SLCO5A1: variants seen among roughly 807,000 people sequenced by gnomAD.
The protein encoded by SLCO5A1 is solute carrier organic anion transporter family member 5A1, also known as organic anion transporter polypeptide-related protein 4.
SLCO5A1 carries 39 observed loss-of-function variants against 65.1 expected under a neutral mutation model. The ratio of observed to expected loss-of-function variants is 0.60; its 90% confidence interval spans 0.46 to 0.78. The LOEUF (loss-of-function observed/expected upper bound fraction) is 0.78. Among genes scored for constraint, SLCO5A1 ranks in the 30% least tolerant of loss-of-function variants. The pLI, the probability that SLCO5A1 is intolerant of heterozygous loss-of-function variation, is 0.00. For missense variants in SLCO5A1, 1,029 were observed against 1,069.4 expected (o/e 0.96, Z 0.53); for synonymous variants, 438 against 415.7 (o/e 1.05, Z -0.65).
At chr8:69,753,161 TG>T (rs930493293) in intron 4 of SLCO5A1, among the ~76,000 whole-genome samples, 5 of 152,130 alleles carry the variant, frequency 3.3e-5, no homozygotes, top group African/African-American at 1.2e-4. Context: ...AGTAATTTAT[TG>T]GGGCAACTCA....
At chr8:69,809,430 A>G (rs1035276413) in intron 2 of SLCO5A1, among the ~76,000 whole-genome samples, 4 of 152,220 alleles carry the variant, frequency 2.6e-5, no homozygotes, top group African/African-American at 7.2e-5. Flanking sequence ...ACAATTGCCA[A>G]TGAAATGTGC....
chr8:69,729,271 C>T (rs1305494903), intron 5 of SLCO5A1, among the ~76,000 whole-genome samples: 25 of 151,892 alleles, frequency 1.6e-4, no homozygotes, highest in African/African-American at 5.6e-4. Flanking sequence ...GATGAAACCC[C>T]GTCTCTACTA....
At chr8:69,762,382 T>A (rs1447495124) in intron 2 of SLCO5A1, among the ~76,000 whole-genome samples, 2 of 152,022 alleles carry the variant, frequency 1.3e-5, no homozygotes, top group East Asian at 3.9e-4. Flanking sequence ...GAGATGGGGT[T>A]TCACCATGTC....
At chr8:69,732,773 C>T (rs1816390619) in intron 5 of SLCO5A1, among the ~76,000 whole-genome samples, 1 of 152,068 alleles carries the variant, frequency 6.6e-6, no homozygotes, top group African/African-American at 2.4e-5. Context: ...CCTGTAGTCC[C>T]AGCTACTTGG....
chr8:69,832,808 G>T lies in SLCO5A1; in HGVS notation c.-135C>A. ...ACTGGGGCTGGGGGCGCAGGGCCGC[G>T]CAGCAGGGCATCCTCACCAGCTGCG... On this transcript the variant is annotated 5_prime_UTR_variant, in exon 2 of 10. It introduces an in-frame stop codon into an upstream open reading frame of the 5' UTR. Transcript: ENST00000260126. This position sits in a 1 kb window ranked among gnomAD's most constrained non-coding sequence, Gnocchi z 4.5. 1 of 1,002,772 alleles carries T rather than the reference G, an allele frequency of 1.0e-6. No homozygotes were observed. Among genetic ancestry groups the T allele is most frequent in the Non-Finnish European group, 1.4e-6 (1 of 703,160 alleles). 62.1% of individuals were successfully genotyped at this position (1,002,772 alleles called of 1,614,324 possible).
At chr8:69,707,297 C>A (rs1463830535) in intron 5 of SLCO5A1, among the ~76,000 whole-genome samples, 1 of 152,050 alleles carries the variant, frequency 6.6e-6, no homozygotes, top group Non-Finnish European at 1.5e-5. Flanking sequence ...TGGATGAAAT[C>A]TGGGAGGGTT....
At position 69,670,650 on chromosome 8, in the gene SLCO5A1, G is replaced by T. The variant is rs1813304815; in HGVS notation, c.*2219C>A. The T allele has an allele frequency of 6.6e-6, 1 of 152,128 alleles. No homozygotes were observed. The highest frequency in any genetic ancestry group is 2.1e-4 in the South Asian group (1 of 4,814). The allele number at this position is 152,128 out of a possible 1,614,324, so 9.4% of individuals were successfully genotyped here. A position where few individuals can be genotyped will look rare whatever the true frequency, so the allele number is the denominator to read the frequency against. On this transcript the variant is annotated 3_prime_UTR_variant, in exon 10 of 10. Transcript: ENST00000260126. ...GGTAATATGACACCTGAAGATACCTGGCACCTGATCAGTGATCGCCAAACT... is the reference window on the plus strand; with the variant it reads ...GGTAATATGACACCTGAAGATACCTTGCACCTGATCAGTGATCGCCAAACT...
intron 6 of SLCO5A1, among the ~76,000 whole-genome samples, chr8:69,686,231 C>CAAAAAAAAAAA (rs3060023): frequency 9.9e-5 from 14 of 141,646 alleles, no homozygotes; most frequent in East Asian, 4.0e-4. Flanking sequence ...CTTCACACAG[C>CAAAAAAAAAAA]AAAAAAAAGA....
At chr8:69,686,270 T>C (rs1237435464) in intron 6 of SLCO5A1, among the ~76,000 whole-genome samples, 3 of 149,976 alleles carry the variant, frequency 2.0e-5, no homozygotes, top group African/African-American at 4.9e-5. Context: ...CAAAATATAC[T>C]AATAAACTAG....
At chr8:69,720,038 C>T (rs976205216) in intron 5 of SLCO5A1, among the ~76,000 whole-genome samples, 2 of 152,168 alleles carry the variant, frequency 1.3e-5, no homozygotes, top group African/African-American at 4.8e-5. Context: ...TGTGTGCCTA[C>T]AAAAATTTAA....
chr8:69,705,000 A>C, intron 6 of SLCO5A1, 31 bp downstream of exon 6: 1 of 1,595,400 alleles, frequency 6.3e-7, no homozygotes, highest in Non-Finnish European at 8.5e-7. Context: ...TCCATCGTGC[A>C]GACACGACAC....
At chr8:69,807,133 T>C (rs1030578070) in intron 2 of SLCO5A1, among the ~76,000 whole-genome samples, 2 of 152,210 alleles carry the variant, frequency 1.3e-5, no homozygotes, top group Admixed American at 6.5e-5. Flanking sequence ...AGAGAACCAT[T>C]TACTGGCCAC....
rs141400405 is a variant in SLCO5A1 at position 69,738,344 on chromosome 8, T to A, written c.1259-140A>T. 2,185 of 763,128 alleles carry A rather than the reference T, an allele frequency of 2.9e-3. 7 individuals carry two copies. The highest frequency in any genetic ancestry group is 3.8e-3 in the South Asian group (157 of 41,676). 47.3% of individuals were successfully genotyped at this position (763,128 alleles called of 1,614,324 possible). A position where few individuals can be genotyped will look rare whatever the true frequency, so the allele number is the denominator to read the frequency against. Reference sequence around the variant, plus strand: ...AAGGAATAAAAATAGAAAGATCTGATGACGATTAGAAACCATCCTCTTTAA... The same window carrying A: ...AAGGAATAAAAATAGAAAGATCTGAAGACGATTAGAAACCATCCTCTTTAA... On this transcript the variant is annotated intron_variant, in intron 4 of 9. Transcript: ENST00000260126.
chr8:69,676,664 T>A lies in SLCO5A1; in HGVS notation c.2034A>T (p.Glu678Asp). ...SAIIVTLRSV[E>D]DEERPFALGM... ...CCAGTGCAAAAGGTCTCTCCTCATC[T>A]TCTACGGACCTACAGTGAAGGGAAA... The change falls in exon 9 of 10, where the codon GAA becomes GAT. Residue 678 changes from glutamate to aspartate, a missense_variant. Physicochemically the swap from Glu to Asp is conservative, Grantham distance 45. This residue lies in a region of SLCO5A1 where 258 missense variants were observed against 237.4 expected (regional missense o/e 1.09). Transcript: ENST00000260126. 1 of 1,611,828 alleles carries A rather than the reference T, an allele frequency of 6.2e-7. No homozygotes were observed. Among genetic ancestry groups the A allele is most frequent in the Non-Finnish European group, 8.5e-7 (1 of 1,178,920 alleles).
chr8:69,828,518 C>G (rs962165084), intron 2 of SLCO5A1, among the ~76,000 whole-genome samples: 3 of 151,626 alleles, frequency 2.0e-5, no homozygotes, highest in Non-Finnish European at 2.9e-5. Flanking sequence ...AGGAGAATGG[C>G]GTCAACCTGG....
intron 2 of SLCO5A1, among the ~76,000 whole-genome samples, chr8:69,764,870 C>T (rs1817981435): frequency 1.3e-5 from 2 of 152,096 alleles, no homozygotes; most frequent in African/African-American, 2.4e-5. Context: ...AGGGTATTTC[C>T]GCCATAGTGT....
intron 2 of SLCO5A1, among the ~76,000 whole-genome samples, chr8:69,779,160 A>G (rs914616254): frequency 1.4e-4 from 21 of 152,194 alleles, no homozygotes; most frequent in Admixed American, 3.3e-4. Context: ...AAACCGTGGC[A>G]GTCTTTTATT....
chr8:69,728,060 G>T (rs1466910393), intron 5 of SLCO5A1, among the ~76,000 whole-genome samples: 3 of 152,138 alleles, frequency 2.0e-5, no homozygotes, highest in African/African-American at 7.2e-5. Flanking sequence ...ATCATTAGGG[G>T]ACTGAATAGA....
At chr8:69,699,820 C>G (rs1466605127) in intron 6 of SLCO5A1, among the ~76,000 whole-genome samples, 1 of 152,174 alleles carries the variant, frequency 6.6e-6, no homozygotes, top group African/African-American at 2.4e-5. Flanking sequence ...AAGAATTTTG[C>G]AATTAAAAAT....
Sources: allele counts gnomAD v4.1 joint callset (sites outside exome capture counted in the v4.1 genomes callset), GRCh38; gene constraint gnomAD v4.1.1; regional missense constraint gnomAD v4.1.1; non-coding constraint Gnocchi (gnomAD v3.1); transcripts MANE v1.5; gene names NCBI Gene and HGNC (gene_info 2026-07-23, HGNC 2026-07-21).